RUNX2: variants seen among roughly 807,000 people sequenced by gnomAD.
The protein encoded by RUNX2 is RUNX family transcription factor 2, also known as runt-related transcription factor 2.
RUNX2 carries 10 observed loss-of-function variants against 51.7 expected under a neutral mutation model. The ratio of observed to expected loss-of-function variants is 0.19; its 90% CI spans 0.12 to 0.33. The LOEUF (loss-of-function observed/expected upper bound fraction) is 0.33, where lower values mean the gene tolerates loss of function less well. Among genes scored for constraint, RUNX2 ranks in the 10% least tolerant of loss-of-function variants. The pLI, the probability that RUNX2 is intolerant of heterozygous loss-of-function variation, is 1.00. For missense variants in RUNX2, 562 were observed against 691.3 expected, an observed-to-expected ratio of 0.81 and a Z score of 2.10; for synonymous variants, 276 against 273.6, an observed-to-expected ratio of 1.01 and a Z score of -0.09.
intron 5 of RUNX2, among the ~76,000 whole-genome samples, chr6:45,485,697 G>GTGTGTATATATATATATATATATA (rs1219072282): frequency 1.9e-4 from 20 of 104,054 alleles, no homozygotes; most frequent in African/African-American, 7.6e-4. Flanking sequence ...GTGTGTGTGT[G>GTGTGTATATATATATATATATATA]TATATATATA....
Position 45,510,281 on chromosome 6 carries a change from T to C in RUNX2, c.860-1965T>C, listed in dbSNP as rs182710320. Among the ~76,000 whole-genome samples, 264 of 152,350 alleles carry C rather than the reference T, an allele frequency of 1.7e-3. 1 individual carries two copies. The highest frequency in any genetic ancestry group is 5.7e-3 in the African/African-American group (236 of 41,584). On this transcript the variant is annotated intron_variant, in intron 6 of 8. Coordinates refer to ENST00000647337, the MANE Select transcript of RUNX2 (RefSeq NM_001024630.4). Reference sequence around the variant, plus strand: ...GAAGGAAAAGTTTGTTAACCACTTATAGTACTGCTTTTTTATTCAAATTGC... The same window carrying C: ...GAAGGAAAAGTTTGTTAACCACTTACAGTACTGCTTTTTTATTCAAATTGC...
At chr6:45,364,175 TAAAC>T (rs1279789412) in intron 2 of RUNX2, among the ~76,000 whole-genome samples, 8 of 152,062 alleles carry the variant, frequency 5.3e-5, no homozygotes, top group African/African-American at 9.6e-5. Context: ...ATAACCCTCA[TAAAC>T]AAATATTCTT....
intron 2 of RUNX2, among the ~76,000 whole-genome samples, chr6:45,414,754 CTTTTTTTTTT>C (rs34672680): frequency 0.021 from 702 of 33,426 alleles, 7 homozygotes; most frequent in African/African-American, 0.073. Flanking sequence ...CAGATCCTGG[CTTTTTTTTTT>C]TTTTTTTTTT....
At chr6:45,490,020 C>A (rs1285442656) in intron 5 of RUNX2, among the ~76,000 whole-genome samples, 1 of 152,090 alleles carries the variant, frequency 6.6e-6, no homozygotes, top group Non-Finnish European at 1.5e-5. Flanking sequence ...GCTAGAATAC[C>A]AGCACTGATG....
At chr6:45,356,017 G>A (rs1741939662) in intron 2 of RUNX2, among the ~76,000 whole-genome samples, 1 of 152,142 alleles carries the variant, frequency 6.6e-6, no homozygotes, top group African/African-American at 2.4e-5. Context: ...AAAACTGGTT[G>A]TAACGTAGTT....
intron 2 of RUNX2, among the ~76,000 whole-genome samples, chr6:45,359,704 A>T (rs1793897109): frequency 6.6e-6 from 1 of 152,216 alleles, no homozygotes; most frequent in Non-Finnish European, 1.5e-5. Context: ...TTGCTGAAAA[A>T]GATCTGTTGT....
At chr6:45,388,786 C>A (rs930513658) in intron 2 of RUNX2, among the ~76,000 whole-genome samples, 3 of 152,074 alleles carry the variant, frequency 2.0e-5, no homozygotes, top group African/African-American at 7.2e-5. Flanking sequence ...AAAATCTAAA[C>A]CAAGAGATTT....
intron 5 of RUNX2, among the ~76,000 whole-genome samples, chr6:45,466,797 A>G (rs548026832): frequency 3.9e-5 from 6 of 152,340 alleles, no homozygotes; most frequent in Non-Finnish European, 7.4e-5. Context: ...GTAGCTCATC[A>G]TAGAACCTTA....
chr6:45,419,146 G>A (rs927337164), intron 2 of RUNX2, among the ~76,000 whole-genome samples: 2 of 152,110 alleles, frequency 1.3e-5, no homozygotes, highest in African/African-American at 4.8e-5. Flanking sequence ...AAGCCCCTCT[G>A]GTGGTCCATA....
intron 5 of RUNX2, among the ~76,000 whole-genome samples, chr6:45,485,306 G>A (rs1270892831): frequency 1.3e-5 from 2 of 151,104 alleles, no homozygotes; most frequent in African/African-American, 4.9e-5. Context: ...GTGTTCAAGC[G>A]ATTCTCCTGC....
rs377222201 is a variant in RUNX2, at chr6:45,463,084, G to C, written c.685+25033G>C. Among the ~76,000 whole-genome samples the C allele has an allele frequency of 9.2e-5, 14 of 152,324 alleles. No individual in the cohort carries two copies. In the East Asian group the frequency reaches 2.5e-3, roughly 27 times the overall value. ...ACCTGAAAGGAGCACATCGCAGGCA[G>C]TTTCTCTTTCTACCAAATATTGATC... On this transcript the variant is annotated intron_variant, in intron 5 of 8. Coordinates refer to ENST00000647337, the MANE Select transcript of RUNX2 (RefSeq NM_001024630.4).
At position 45,407,456 on chromosome 6, in the gene RUNX2, A is replaced by G. The variant is rs553144273; in HGVS notation, c.59-15137A>G. 4.9e-4 allele frequency among the ~76,000 whole-genome samples: 75 copies of G among 152,052 alleles called. 1 individual carries two copies. The highest frequency in any genetic ancestry group is 1.8e-3 in the African/African-American group (74 of 41,492). On this transcript the variant is annotated intron_variant, in intron 2 of 8. Coordinates refer to ENST00000647337, the MANE Select transcript of RUNX2 (RefSeq NM_001024630.4). ...CTCAGTCAGAAATTTTACATTGTTT[A>G]TTTTTATCCCACTCTTATTCTTCTT...
intron 5 of RUNX2, among the ~76,000 whole-genome samples, chr6:45,477,088 C>T (rs563559885): frequency 6.6e-6 from 1 of 152,258 alleles, no homozygotes; most frequent in East Asian, 1.9e-4. Context: ...TGCTAAGCTC[C>T]CCTGGGTCCC....
chr6:45,405,864 C>T (rs1299013013), intron 2 of RUNX2, among the ~76,000 whole-genome samples: 1 of 152,060 alleles, frequency 6.6e-6, no homozygotes, highest in Non-Finnish European at 1.5e-5. Context: ...AGAATGGGTT[C>T]ACATCTAGCA....
At chr6:45,472,400 C>A (rs1022393210) in intron 5 of RUNX2, among the ~76,000 whole-genome samples, 2 of 152,178 alleles carry the variant, frequency 1.3e-5, no homozygotes, top group Non-Finnish European at 2.9e-5. Flanking sequence ...CCCTCTCCCC[C>A]AGAAAGAACA....
rs116922446 is a variant in RUNX2 at position 45,405,134 on chromosome 6, A to G, written c.59-17459A>G. ...TGATTTAATAACTTGTTAATTCTCC[A>G]TAAAATCTTATTTGCCCATAGAGGA... is the stretch of plus-strand genomic sequence containing the variant. On this transcript the variant is annotated intron_variant, in intron 2 of 8. Transcript: ENST00000647337. Among the ~76,000 whole-genome samples the G allele has an allele frequency of 1.6e-3, 239 of 152,368 alleles. 6 individuals carry two copies. The East Asian group carries it at 0.037, about 23-fold the overall frequency.
chr6:45,501,132 T>C (rs1409720041), intron 6 of RUNX2, among the ~76,000 whole-genome samples: 1 of 152,266 alleles, frequency 6.6e-6, no homozygotes, highest in African/African-American at 2.4e-5. Context: ...CACCTTGTCC[T>C]GTCTTCTCCA....
intron 2 of RUNX2, among the ~76,000 whole-genome samples, chr6:45,412,173 A>T (rs1797964024): frequency 7.9e-6 from 1 of 126,352 alleles, no homozygotes; most frequent in Non-Finnish European, 1.6e-5. Flanking sequence ...CATGCCCAGT[A>T]TCTATAAAAA....
intron 3 of RUNX2, 72 bp downstream of exon 3, chr6:45,423,029 C>A (rs1388329549): frequency 2.0e-5 from 31 of 1,561,930 alleles, no homozygotes; most frequent in Middle Eastern, 2.3e-4. Flanking sequence ...TTCCTGCCCA[C>A]GGGGCTGGGC....
Sources: gnomAD v4.1 joint callset for allele counts (sites outside exome capture counted in the v4.1 genomes callset) on GRCh38, gnomAD v4.1.1 for gene constraint, MANE v1.5 for transcripts, NCBI Gene and HGNC (gene_info 2026-07-23, HGNC 2026-07-21) for gene names.